ANKHD1: variants seen among roughly 807,000 people sequenced by gnomAD.
ANKHD1 encodes the protein ankyrin repeat and KH domain-containing protein 1.
ANKHD1 carries 31 observed loss-of-function variants against 230.5 expected under a neutral mutation model. The ratio of observed to expected loss-of-function variants is 0.13; its 90% CI spans 0.10 to 0.18. The LOEUF is 0.18. ANKHD1 is among the 10% of genes least tolerant of loss of function. The pLI is 1.00. For missense variants in ANKHD1, 2,256 were observed against 3,071.3 expected (o/e 0.73, Z 6.27); for synonymous variants, 1,074 against 1,117.6 (o/e 0.96, Z 0.78).
chr5:140,406,094 C>A (rs142379439), intron 1 of ANKHD1, among the ~76,000 whole-genome samples: 3 of 151,904 alleles, frequency 2.0e-5, no homozygotes, highest in Non-Finnish European at 4.4e-5. Flanking sequence ...AAAAATTAGC[C>A]GGGCTTGGTG....
chr5:140,407,629 A>G (rs1007976983), intron 1 of ANKHD1, among the ~76,000 whole-genome samples: 17 of 152,006 alleles, frequency 1.1e-4, no homozygotes, highest in African/African-American at 3.9e-4. Context: ...GCCTCAAGGG[A>G]TCCTTCTGCC....
At chr5:140,417,431 T>C (rs953091511) in intron 1 of ANKHD1, among the ~76,000 whole-genome samples, 5 of 151,622 alleles carry the variant, frequency 3.3e-5, no homozygotes, top group African/African-American at 1.2e-4. Flanking sequence ...ATTAAAAAAT[T>C]TTTTAATTTA....
chr5:140,415,553 C>T (rs1178575937), intron 1 of ANKHD1, among the ~76,000 whole-genome samples: 1 of 150,212 alleles, frequency 6.7e-6, no homozygotes, highest in Non-Finnish European at 1.5e-5. Flanking sequence ...ATTCTCCTGC[C>T]TCAGCCTCCC....
chr5:140,419,774 T>TTTTCTTTCTTTCTCTC (rs1771729576), intron 1 of ANKHD1, among the ~76,000 whole-genome samples: 1 of 86,826 alleles, frequency 1.2e-5, no homozygotes, highest in African/African-American at 3.4e-5. Flanking sequence ...TTTCCTTTCT[T>TTTTCTTTCTTTCTCTC]TTTCTTTCTT....
chr5:140,467,928 A>G (rs957975235), intron 10 of ANKHD1, among the ~76,000 whole-genome samples: 13 of 152,000 alleles, frequency 8.6e-5, no homozygotes, highest in African/African-American at 2.9e-4. Flanking sequence ...TTTGGGCTAT[A>G]ATAATTTCCT....
intron 30 of ANKHD1, 44 bp from the exon 31 acceptor site, chr5:140,537,344 CT>C: frequency 6.2e-7 from 1 of 1,606,728 alleles, no homozygotes; most frequent in Non-Finnish European, 8.5e-7. Context: ...CCAGGTGACT[CT>C]CCTATTCCAT....
intron 24 of ANKHD1, among the ~76,000 whole-genome samples, chr5:140,514,927 G>T (rs370499908): frequency 6.9e-6 from 1 of 144,028 alleles, no homozygotes; most frequent in Non-Finnish European, 1.5e-5. Context: ...AGCTATGATT[G>T]TGCAATGAGC....
At chr5:140,463,400 C>G (rs1270654274) in intron 9 of ANKHD1, among the ~76,000 whole-genome samples, 1 of 152,042 alleles carries the variant, frequency 6.6e-6, no homozygotes, top group African/African-American at 2.4e-5. Flanking sequence ...CCTGCTCCAG[C>G]CTTGGGATCA....
chr5:140,487,558 CAAAAT>C (rs1049858052), intron 14 of ANKHD1, among the ~76,000 whole-genome samples: 15 of 152,084 alleles, frequency 9.9e-5, no homozygotes, highest in African/African-American at 3.1e-4. Flanking sequence ...AAATAACTAT[CAAAAT>C]AAAATGTGTA....
intron 7 of ANKHD1, among the ~76,000 whole-genome samples, chr5:140,454,942 A>G (rs575054043): frequency 7.8e-4 from 119 of 152,224 alleles, no homozygotes; most frequent in Middle Eastern, 6.8e-3. Flanking sequence ...TTTTTTGAAA[A>G]GATCAACAAA....
chr5:140,455,887 T>G (rs1482778650), intron 7 of ANKHD1, among the ~76,000 whole-genome samples: 1 of 152,114 alleles, frequency 6.6e-6, no homozygotes, highest in Non-Finnish European at 1.5e-5. Context: ...GAGAAAGAAA[T>G]AAAGGGTATT....
chr5:140,505,694 T>G (rs766752765), intron 17 of ANKHD1, 30 bp from the exon 18 acceptor site: 1 of 1,568,758 alleles, frequency 6.4e-7, no homozygotes, highest in Non-Finnish European at 8.6e-7. Flanking sequence ...AAAACATAAA[T>G]TTGTTTAAGA....
intron 10 of ANKHD1, among the ~76,000 whole-genome samples, chr5:140,477,117 T>C (rs1430314284): frequency 6.6e-6 from 1 of 152,146 alleles, no homozygotes; most frequent in Admixed American, 6.5e-5. Context: ...AGCTTGACAG[T>C]GATGGGAAAA....
At chr5:140,442,030 A>ATTTTTTTTTTTTTTTTT (rs1561726990) in intron 5 of ANKHD1, among the ~76,000 whole-genome samples, 3 of 134,528 alleles carry the variant, frequency 2.2e-5, no homozygotes, top group African/African-American at 8.5e-5. Context: ...CTAATAAGAT[A>ATTTTTTTTTTTTTTTTT]TTCTTTTTTT....
At chr5:140,510,818 CGTGTGTGTGTGT>C (rs57422934) in intron 22 of ANKHD1, among the ~76,000 whole-genome samples, 1 of 149,080 alleles carries the variant, frequency 6.7e-6, no homozygotes, top group Admixed American at 6.7e-5. Flanking sequence ...CTTCTGTGTG[CGTGTGTGTGTGT>C]GTGTGTGAGT....
In ANKHD1 at chr5:140,459,205, G is replaced by C; in HGVS notation, c.1522G>C (p.Ala508Pro). The C allele has an allele frequency of 6.3e-7, 1 of 1,598,512 alleles. No individual in the cohort carries two copies. The highest frequency in any genetic ancestry group is 1.1e-5 in the South Asian group (1 of 89,382). ...NAQTEETQET[A>P]LTLACCGGFS... ...CCAGACAGAAGAAACTCAAGAAACT[G>C]CTCTTACTTTGGCTTGCTGTGGAGG... Residue 508 changes from alanine (A) to proline (P), a missense_variant, in exon 9 of 34, where the codon GCT becomes CCT. By Grantham distance (27) the Ala-to-Pro change is conservative. Coordinates refer to ENST00000360839, the MANE Select transcript of ANKHD1 (RefSeq NM_017747.3).
intron 14 of ANKHD1, among the ~76,000 whole-genome samples, chr5:140,492,513 C>T (rs991606907): frequency 1.4e-4 from 22 of 152,170 alleles, no homozygotes; most frequent in African/African-American, 4.8e-4. Flanking sequence ...AAGCCCAGGA[C>T]ACATCATACA....
chr5:140,506,843 C>G lies in ANKHD1; in HGVS notation c.3417C>G (p.Asp1139Glu), dbSNP rs758063519. Residue 1139 changes from aspartate to glutamate, a missense_variant, in exon 19 of 34, where the codon GAC becomes GAG. This residue lies in a region of ANKHD1 where 63 missense variants were observed against 125.5 expected (regional missense o/e 0.50). Transcript: ENST00000360839. The surrounding 1 kb of genome is among the most constrained non-coding windows in gnomAD (Gnocchi z 4.7). ...ACSGGRQEVV[D>E]LLLARGANKE... ...CATATTTTACTTTGTAGGTGGTAGA[C>G]TTGCTGCTGGCTCGAGGTGCAAATA... 1.2e-6 allele frequency: 2 copies of G among 1,614,100 alleles called. No homozygotes were observed.
At position 140,407,346 on chromosome 5, in the gene ANKHD1, A is replaced by T. The variant is rs889269897; in HGVS notation, c.306+5073A>T. ...AAAATGGTTTTTATTTTAAATTTTTATTTATTTATTTTGAGATTAGGATTA... is the reference window on the plus strand; with the variant it reads ...AAAATGGTTTTTATTTTAAATTTTTTTTTATTTATTTTGAGATTAGGATTA... On this transcript the variant is annotated intron_variant, in intron 1 of 33. Transcript: ENST00000360839. Among the ~76,000 whole-genome samples the T allele has an allele frequency of 2.7e-5, 4 of 149,590 alleles. No individual in the cohort carries two copies. In the East Asian group the frequency reaches 7.8e-4, roughly 29 times the overall value.
Sources: allele counts gnomAD v4.1 joint callset (sites outside exome capture counted in the v4.1 genomes callset), GRCh38; gene constraint gnomAD v4.1.1; regional missense constraint gnomAD v4.1.1; non-coding constraint Gnocchi (gnomAD v3.1); transcripts MANE v1.5; gene names NCBI Gene and HGNC (gene_info 2026-07-23, HGNC 2026-07-21).